Variants in ZNF248 observed in about 807,000 individuals in gnomAD.
ZNF248 encodes zinc finger protein 248.
Under a neutral mutation model 44.3 loss-of-function variants are expected in ZNF248, and 20 were observed. The ratio of observed to expected loss-of-function variants is 0.45; its 90% CI spans 0.32 to 0.66. ZNF248 has a LOEUF of 0.66. Among genes scored for constraint, ZNF248 ranks in the 30% least tolerant of loss-of-function variants. ZNF248 has a pLI of 0.04. For missense variants in ZNF248, 654 were observed against 677.0 expected, an observed-to-expected ratio of 0.97 and a Z score of 0.38; for synonymous variants, 224 against 229.0, an observed-to-expected ratio of 0.98 and a Z score of 0.20.
At chr10:37,817,021 C>T (rs915634647) in intron 6 of ZNF248, among the ~76,000 whole-genome samples, 2 of 152,034 alleles carry the variant, frequency 1.3e-5, no homozygotes, top group African/African-American at 2.4e-5. Flanking sequence ...GAAGGGAGTC[C>T]GGGATTTCTC....
At chr10:37,810,207 T>C (rs1265636449) in intron 6 of ZNF248, among the ~76,000 whole-genome samples, 1 of 152,188 alleles carries the variant, frequency 6.6e-6, no homozygotes, top group East Asian at 1.9e-4. Context: ...GCTTATTGTG[T>C]TTTTAAGTCC....
chr10:37,779,866 C>A (rs17591545), intron 6 of ZNF248, among the ~76,000 whole-genome samples: 8,334 of 149,910 alleles, frequency 0.056, 312 homozygotes, highest in Middle Eastern at 0.092. Context: ...TTTTATACAC[C>A]AACAACAGAC....
At position 37,851,072 on chromosome 10, in the gene ZNF248, A is replaced by T. The variant is rs990867860; in HGVS notation, c.15+5224T>A. Among the ~76,000 whole-genome samples, 15 of 152,312 alleles carry T rather than the reference A, an allele frequency of 9.8e-5. No homozygotes were observed. The South Asian group carries it at 1.7e-3, about 17-fold the overall frequency. On this transcript the variant is annotated intron_variant, in intron 3 of 5. Coordinates refer to ENST00000395867, the MANE Select transcript of ZNF248 (RefSeq NM_021045.3). The stretch of plus-strand genomic sequence containing the variant: ...CAAAGGATTACTATCTAGAAAATTT[A>T]AAAAACTATTAAAACTCAATACATT...
In ZNF248 at chr10:37,837,647, C is replaced by T. The variant is rs1240014104; in HGVS notation, c.208G>A (p.Glu70Lys). The T allele has an allele frequency of 6.2e-7, 1 of 1,614,010 alleles. No homozygotes were observed. Among genetic ancestry groups the T allele is most frequent in the African/African-American group, 1.3e-5 (1 of 75,038 alleles). ...TGGCACTGGCTTGGGAATCCTTTTT[C>T]TAATATCCAGGGCTCTTCTCCTTGC... ...IEQGEEPWIL[E>K]KGFPSQCHPE... The change falls in exon 5 of 6, where the codon GAA (glutamate) becomes AAA (lysine). Residue 70 changes from glutamate (E) to lysine (K), a missense_variant. Physicochemically the swap from Glu to Lys is moderately conservative, Grantham distance 56. Transcript: ENST00000395867.
At chr10:37,843,453 A>C (rs2058726602) in intron 3 of ZNF248, among the ~76,000 whole-genome samples, 1 of 151,802 alleles carries the variant, frequency 6.6e-6, no homozygotes, top group Non-Finnish European at 1.5e-5. Context: ...AAAAAGAAAA[A>C]CAGCAAACCT....
chr10:37,759,205 T>A, the ZNF248 span, among the ~76,000 whole-genome samples: 1 of 152,180 alleles, frequency 6.6e-6, no homozygotes, highest in African/African-American at 2.4e-5. Context: ...TAAAAAAGTA[T>A]AATAAATTTA....
intron 6 of ZNF248, among the ~76,000 whole-genome samples, chr10:37,798,705 A>T (rs905872056): frequency 2.0e-5 from 3 of 152,110 alleles, no homozygotes; most frequent in Non-Finnish European, 4.4e-5. Context: ...AGGTAGGTAG[A>T]TTGATATAAA....
the ZNF248 span, among the ~76,000 whole-genome samples, chr10:37,763,006 A>G: frequency 2.0e-5 from 3 of 152,242 alleles, no homozygotes; most frequent in African/African-American, 7.2e-5. Context: ...AGGCAGCTCA[A>G]TAACAATGGT....
chr10:37,849,204 C>T (rs758195583), intron 3 of ZNF248, among the ~76,000 whole-genome samples: 10 of 151,882 alleles, frequency 6.6e-5, no homozygotes, highest in East Asian at 1.9e-4. Flanking sequence ...AAGACTAAGG[C>T]GGATCACCTG....
At chr10:37,838,896 T>C (rs1000749436) in intron 3 of ZNF248, among the ~76,000 whole-genome samples, 1 of 152,132 alleles carries the variant, frequency 6.6e-6, no homozygotes, top group Non-Finnish European at 1.5e-5. Context: ...AACACATACA[T>C]GGTATGTGTG....
chr10:37,790,106 A>C (rs2048322266), intron 6 of ZNF248, among the ~76,000 whole-genome samples: 1 of 67,210 alleles, frequency 1.5e-5, no homozygotes. Flanking sequence ...CTGAAAATAC[A>C]AAAAAAAAAA....
chr10:37,845,256 G>A (rs527953826), intron 3 of ZNF248, among the ~76,000 whole-genome samples: 12 of 151,878 alleles, frequency 7.9e-5, no homozygotes, highest in South Asian at 2.1e-4. Context: ...GGACTCAAGC[G>A]ATTCACCTGC....
chr10:37,779,228 C>A (rs1488854764), intron 6 of ZNF248, among the ~76,000 whole-genome samples: 1 of 152,172 alleles, frequency 6.6e-6, no homozygotes, highest in Non-Finnish European at 1.5e-5. Flanking sequence ...GAATTTTAGA[C>A]CAACATCCTT....
chr10:37,768,819 T>A, the ZNF248 span, among the ~76,000 whole-genome samples: 12 of 152,088 alleles, frequency 7.9e-5, no homozygotes, highest in Non-Finnish European at 1.6e-4. Context: ...TTCAAAAAAC[T>A]AATGAATCCA....
rs567835973 is a variant in ZNF248, at chr10:37,788,892, G to A, written c.331-12317C>T. Among the ~76,000 whole-genome samples, 19 of 147,374 alleles carry A rather than the reference G, an allele frequency of 1.3e-4. No homozygotes were observed. The South Asian group carries it at 2.5e-3, about 20-fold the overall frequency. On this transcript the variant is annotated intron_variant, in intron 6 of 6. Coordinates refer to the ZNF248 transcript ENST00000615949. ...CTAGAAAGACTTTTTTTTTTTTTGA[G>A]ACAGGGTCTCACTTTGTCTCCCAGG...
the ZNF248 span, among the ~76,000 whole-genome samples, chr10:37,758,749 G>T: frequency 6.6e-6 from 1 of 151,940 alleles, no homozygotes; most frequent in Admixed American, 6.6e-5. Context: ...TAATCATATT[G>T]TTATTATCTT....
At chr10:37,825,117 G>C (rs2054170781), downstream of ZNF248, among the ~76,000 whole-genome samples, 1 of 151,974 alleles carries the variant, frequency 6.6e-6, no homozygotes, top group African/African-American at 2.4e-5. Flanking sequence ...AGTGAAAAAA[G>C]CAATAGTTTC....
rs532711523 is a variant in ZNF248 at position 37,795,662 on chromosome 10, G to C, written c.331-19087C>G. The C allele has an allele frequency of 2.6e-5, 4 of 152,200 alleles. No individual in the cohort carries two copies. The South Asian group carries it at 6.2e-4, about 24-fold the overall frequency. 9.4% of individuals were successfully genotyped at this position (152,200 alleles called of 1,614,324 possible). On this transcript the variant is annotated intron_variant, in intron 6 of 6. Transcript: ENST00000615949. Reference sequence around the variant, plus strand: ...GTATTCATGAGGTTTAATTTCAGTAGATGTTTCCTCAAGTTTAAATGCAAT... The same window carrying C: ...GTATTCATGAGGTTTAATTTCAGTACATGTTTCCTCAAGTTTAAATGCAAT...
intron 6 of ZNF248, chr10:37,819,419 T>A: frequency 1.3e-6 from 2 of 1,560,710 alleles, no homozygotes; most frequent in East Asian, 2.2e-5. Flanking sequence ...CTTTTTCTCA[T>A]CTCTCCAGTT....
Sources: allele counts gnomAD v4.1 joint callset (sites outside exome capture counted in the v4.1 genomes callset), GRCh38; gene constraint gnomAD v4.1.1; transcripts MANE v1.5; gene names NCBI Gene and HGNC (gene_info 2026-07-23, HGNC 2026-07-21).